CEP85L: variants seen among roughly 807,000 people sequenced by gnomAD.
The protein encoded by CEP85L is centrosomal protein 85L.
CEP85L carries 60 observed loss-of-function variants against 100.3 expected under a neutral mutation model. The observed-to-expected ratio is 0.60, with a 90% CI of 0.49 to 0.74. The LOEUF (loss-of-function observed/expected upper bound fraction) is 0.74, where lower values mean the gene tolerates loss of function less well. Ranked by LOEUF, CEP85L falls within the 30% of genes least tolerant of loss-of-function variation. The probability of loss-of-function intolerance (pLI) is 0.00; values close to 1 mark genes in which losing one functional copy is unlikely to be tolerated. For missense variants in CEP85L, 973 were observed against 936.2 expected (o/e 1.04, Z -0.51); for synonymous variants, 319 against 322.7 (o/e 0.99, Z 0.12).
At chr6:118,571,476 A>G (rs1372188593) in intron 2 of CEP85L, among the ~76,000 whole-genome samples, 2 of 152,232 alleles carry the variant, frequency 1.3e-5, no homozygotes, top group Non-Finnish European at 2.9e-5. Context: ...TTAAGACAGC[A>G]TATTTCTCAA....
intron 6 of CEP85L, chr6:118,491,301 A>T: frequency 4.6e-6 from 1 of 217,088 alleles, no homozygotes. Context: ...ATTCTGAATC[A>T]GGGGCTTCAG....
chr6:118,581,577 C>T (rs980904028), intron 2 of CEP85L, among the ~76,000 whole-genome samples: 3 of 152,074 alleles, frequency 2.0e-5, no homozygotes, highest in East Asian at 1.9e-4. Flanking sequence ...CCTACAGCCA[C>T]AGGCGGCACA....
chr6:118,499,359 C>T (rs1180133727), intron 5 of CEP85L, among the ~76,000 whole-genome samples: 1 of 152,090 alleles, frequency 6.6e-6, no homozygotes, highest in Non-Finnish European at 1.5e-5. Flanking sequence ...CAAAATCTAA[C>T]ACCCATTCAT....
At chr6:118,558,677 A>C (rs1779042596) in intron 3 of CEP85L, 1 of 528,848 alleles carries the variant, frequency 1.9e-6, no homozygotes, top group Non-Finnish European at 3.4e-6. Context: ...AGAGAGAGAG[A>C]GAGAGAGAGA....
chr6:118,653,325 T>G (rs1274561747), upstream of CEP85L, among the ~76,000 whole-genome samples: 1 of 152,228 alleles, frequency 6.6e-6, no homozygotes, highest in Non-Finnish European at 1.5e-5. Context: ...GAAATTTTTG[T>G]GTCCCTAGTA....
At chr6:118,514,829 G>A (rs1046610430) in intron 4 of CEP85L, among the ~76,000 whole-genome samples, 1 of 151,726 alleles carries the variant, frequency 6.6e-6, no homozygotes, top group Non-Finnish European at 1.5e-5. Flanking sequence ...TTTAGAGACA[G>A]GGTGTCACTC....
intron 1 of CEP85L, among the ~76,000 whole-genome samples, chr6:118,640,749 C>T (rs1041805039): frequency 6.1e-4 from 92 of 152,050 alleles, no homozygotes; most frequent in South Asian, 4.1e-4. Flanking sequence ...AGGCTGGTCT[C>T]GAACTCCTGA....
At chr6:118,520,353 T>C (rs1005637580) in intron 4 of CEP85L, among the ~76,000 whole-genome samples, 1 of 152,200 alleles carries the variant, frequency 6.6e-6, no homozygotes, top group East Asian at 1.9e-4. Flanking sequence ...TGAGATTAGA[T>C]TGCAGGATAC....
chr6:118,559,132 G>GCATGGGATGACAGAT, intron 3 of CEP85L: 1 of 1,341,412 alleles, frequency 7.5e-7, no homozygotes, highest in Non-Finnish European at 1.1e-6. Context: ...CTTAAAATCT[G>GCATGGGATGACAGAT]TCATCCCATG....
chr6:118,576,393 C>T (rs1780235584), intron 2 of CEP85L, among the ~76,000 whole-genome samples: 4 of 152,254 alleles, frequency 2.6e-5, no homozygotes, highest in Admixed American at 2.6e-4. Context: ...GAACCCACCA[C>T]ACAAGTGAAG....
chr6:118,468,121 C>T (rs1582844472), intron 12 of CEP85L, among the ~76,000 whole-genome samples: 1 of 152,166 alleles, frequency 6.6e-6, no homozygotes, highest in East Asian at 1.9e-4. Context: ...TGTATGTGTA[C>T]AAATGTCTAT....
intron 2 of CEP85L, among the ~76,000 whole-genome samples, chr6:118,594,365 A>G (rs1462976808): frequency 6.6e-6 from 1 of 152,218 alleles, no homozygotes; most frequent in Non-Finnish European, 1.5e-5. Flanking sequence ...CAGTAAAAAC[A>G]ACCAACTAAT....
intron 3 of CEP85L, 84 bp downstream of exon 3, chr6:118,565,445 C>T: frequency 1.6e-6 from 2 of 1,274,338 alleles, no homozygotes; most frequent in South Asian, 1.4e-5. Context: ...AATCTGTGAA[C>T]ACTTGTTATA....
intron 2 of CEP85L, among the ~76,000 whole-genome samples, chr6:118,582,767 G>A (rs987644021): frequency 6.6e-5 from 10 of 152,114 alleles, no homozygotes; most frequent in Non-Finnish European, 1.0e-4. Flanking sequence ...TGATTCAGTC[G>A]AGGGACAGCT....
In CEP85L at chr6:118,569,245, G is replaced by C. The variant is rs539939471; in HGVS notation, c.233-2929C>G. On this transcript the variant is annotated intron_variant, in intron 2 of 12. Transcript: ENST00000368491. ...TAATCCCAGCTACACAAGAGGCTGT[G>C]GCAGGAGAATGGCTTGAACCTGTGA... Among the ~76,000 whole-genome samples the C allele has an allele frequency of 1.3e-5, 2 of 150,476 alleles. 1 individual carries two copies. The highest frequency in any genetic ancestry group is 3.9e-4 in the East Asian group (2 of 5,114).
intron 1 of CEP85L, among the ~76,000 whole-genome samples, chr6:118,633,555 T>C (rs1296420302): frequency 2.0e-5 from 3 of 152,236 alleles, no homozygotes; most frequent in African/African-American, 7.2e-5. Context: ...GGTTTTTCAA[T>C]GTTCTTTCAA....
intron 1 of CEP85L, among the ~76,000 whole-genome samples, chr6:118,685,187 A>T (rs1312488487): frequency 6.6e-6 from 1 of 152,236 alleles, no homozygotes; most frequent in Non-Finnish European, 1.5e-5. Flanking sequence ...ATATAAGAAT[A>T]TAAAGAATAT....
In CEP85L at chr6:118,466,197, T is replaced by A. The variant is rs567709035; in HGVS notation, c.2255-629A>T. On this transcript the variant is annotated intron_variant, in intron 12 of 12. Coordinates refer to ENST00000368491, the MANE Select transcript of CEP85L (RefSeq NM_001042475.3). ...AGTCAGCCAGCTTTTAGTTATTTACTTCAGTTCTTCTCTTTGTAAGCATAT... is the reference window on the plus strand; with the variant it reads ...AGTCAGCCAGCTTTTAGTTATTTACATCAGTTCTTCTCTTTGTAAGCATAT... Among the ~76,000 whole-genome samples, 9 of 152,290 alleles carry A rather than the reference T, an allele frequency of 5.9e-5. No individual in the cohort carries two copies. The East Asian group carries it at 1.5e-3, about 26-fold the overall frequency.
intron 4 of CEP85L, among the ~76,000 whole-genome samples, chr6:118,513,300 TA>T (rs1367062281): frequency 6.6e-6 from 1 of 152,010 alleles, no homozygotes; most frequent in African/African-American, 2.4e-5. Flanking sequence ...TATTTGTGTA[TA>T]ACAGGCCAAA....
Sources: gnomAD v4.1 joint callset for allele counts (sites outside exome capture counted in the v4.1 genomes callset) on GRCh38, gnomAD v4.1.1 for gene constraint, MANE v1.5 for transcripts, NCBI Gene and HGNC (gene_info 2026-07-23, HGNC 2026-07-21) for gene names.